CIRSR: variants seen among roughly 807,000 people sequenced by gnomAD.
CIRSR encodes corepressor of RBPJ and splicing regulator, also known as CBF1 (RBPJ) interacting corepressor 1.
the CIRSR span, among the ~76,000 whole-genome samples, chr2:174,365,197 C>T: frequency 6.6e-6 from 1 of 152,322 alleles, no homozygotes; most frequent in East Asian, 1.9e-4. Context: ...AAAATGCTGC[C>T]AGTCTCTTTG....
chr2:174,395,418 AC>A, the CIRSR span: 1 of 845,538 alleles, frequency 1.2e-6, no homozygotes, highest in Non-Finnish European at 1.9e-6. Flanking sequence ...GAAAGGCGAG[AC>A]CACCAGGGCT....
At chr2:174,391,127 C>G in the CIRSR span, among the ~76,000 whole-genome samples, 3 of 152,106 alleles carry the variant, frequency 2.0e-5, no homozygotes, top group Non-Finnish European at 4.4e-5. Context: ...TAAATGGGCA[C>G]TTAAGAAATT....
the CIRSR span, among the ~76,000 whole-genome samples, chr2:174,383,795 G>A: frequency 1.4e-4 from 20 of 142,328 alleles, no homozygotes; most frequent in Admixed American, 4.3e-4. Flanking sequence ...TTAGGGAAAT[G>A]CAAATCAAAA....
chr2:174,390,238 C>T, the CIRSR span, among the ~76,000 whole-genome samples: 1 of 152,232 alleles, frequency 6.6e-6, no homozygotes, highest in African/African-American at 2.4e-5. Flanking sequence ...CAGAGCTGCC[C>T]AAGGCTTTGG....
the CIRSR span, among the ~76,000 whole-genome samples, chr2:174,349,960 C>G: frequency 1.3e-5 from 2 of 152,086 alleles, no homozygotes; most frequent in African/African-American, 4.8e-5. Flanking sequence ...AGTAAGAGTA[C>G]ACATTAAACT....
chr2:174,371,442 T>G, the CIRSR span, among the ~76,000 whole-genome samples: 2 of 152,208 alleles, frequency 1.3e-5, no homozygotes, highest in Non-Finnish European at 2.9e-5. Flanking sequence ...AAAAGCCAGG[T>G]GGGCTGGCCA....
At chr2:174,391,303 A>G in the CIRSR span, among the ~76,000 whole-genome samples, 1 of 152,204 alleles carries the variant, frequency 6.6e-6, no homozygotes, top group Non-Finnish European at 1.5e-5. Context: ...AGAGATATAA[A>G]ATAGAACGTA....
At chr2:174,366,791 G>T in the CIRSR span, among the ~76,000 whole-genome samples, 1 of 152,200 alleles carries the variant, frequency 6.6e-6, no homozygotes, top group South Asian at 2.1e-4. Flanking sequence ...GAGCTATTCA[G>T]TTGTAGAACA....
the CIRSR span, among the ~76,000 whole-genome samples, chr2:174,360,682 C>A: frequency 6.6e-6 from 1 of 152,094 alleles, no homozygotes; most frequent in African/African-American, 2.4e-5. Context: ...GGTGTAGCTT[C>A]CACTAGTACA....
At chr2:174,348,721 T>A in the CIRSR span, 1 of 1,614,200 alleles carries the variant, frequency 6.2e-7, no homozygotes, top group Non-Finnish European at 8.5e-7. Context: ...CTTCTGCTGC[T>A]CCCCTCCTTT....
chr2:174,377,369 G>C, the CIRSR span, among the ~76,000 whole-genome samples: 1 of 152,174 alleles, frequency 6.6e-6, no homozygotes, highest in African/African-American at 2.4e-5. Flanking sequence ...GGGAGGAGGA[G>C]GCATTAGGTA....
At chr2:174,386,657 T>C in the CIRSR span, among the ~76,000 whole-genome samples, 1 of 152,160 alleles carries the variant, frequency 6.6e-6, no homozygotes, top group Non-Finnish European at 1.5e-5. Flanking sequence ...CTCCAAACAT[T>C]GCCACGTTCC....
the CIRSR span, among the ~76,000 whole-genome samples, chr2:174,367,437 G>C: frequency 6.6e-6 from 1 of 152,100 alleles, no homozygotes; most frequent in African/African-American, 2.4e-5. Context: ...AAAATTAGCC[G>C]GGTGTGGTGG....
At chr2:174,388,333 G>A in the CIRSR span, among the ~76,000 whole-genome samples, 1 of 152,124 alleles carries the variant, frequency 6.6e-6, no homozygotes, top group East Asian at 1.9e-4. Context: ...GGAGTAGCTG[G>A]GATTACAGGA....
the CIRSR span, among the ~76,000 whole-genome samples, chr2:174,357,104 G>C: frequency 6.6e-6 from 1 of 152,078 alleles, no homozygotes; most frequent in Non-Finnish European, 1.5e-5. Context: ...TATTGTATTT[G>C]ATTTATAGAT....
At chr2:174,382,541 A>G in the CIRSR span, among the ~76,000 whole-genome samples, 1 of 152,142 alleles carries the variant, frequency 6.6e-6, no homozygotes, top group African/African-American at 2.4e-5. Context: ...CGGGAGGCTG[A>G]GGCAGGAGAA....
the CIRSR span, among the ~76,000 whole-genome samples, chr2:174,363,172 G>A: frequency 1.3e-5 from 2 of 152,174 alleles, no homozygotes; most frequent in East Asian, 3.8e-4. Context: ...CAGCCCACAA[G>A]CACAGGCTCA....
the CIRSR span, among the ~76,000 whole-genome samples, chr2:174,379,428 A>G: frequency 2.0e-5 from 3 of 152,198 alleles, no homozygotes; most frequent in African/African-American, 7.2e-5. Flanking sequence ...AAAGGTCCAA[A>G]TGTAGTCAAT....
At chr2:174,369,880 T>C in the CIRSR span, 1 of 1,210,622 alleles carries the variant, frequency 8.3e-7, no homozygotes. Context: ...GATATAATAA[T>C]ACAAGTTTGA....
Sources: gnomAD v4.1 joint callset for allele counts (sites outside exome capture counted in the v4.1 genomes callset) on GRCh38, gnomAD v4.1.1 for gene constraint, MANE v1.5 for transcripts, NCBI Gene and HGNC (gene_info 2026-07-23, HGNC 2026-07-21) for gene names.